ADORA2B: variants seen among roughly 807,000 people sequenced by gnomAD.
ADORA2B encodes the protein adenosine A2b receptor.
A neutral mutation model predicts 20.8 loss-of-function variants in ADORA2B; 18 were observed. The observed-to-expected ratio is 0.87, with a 90% CI of 0.60 to 1.29. The LOEUF (loss-of-function observed/expected upper bound fraction) is 1.29, where lower values mean the gene tolerates loss of function less well. Ranked by LOEUF, ADORA2B falls within the 50% of genes most tolerant of loss-of-function variation. The pLI is 0.00. For missense variants in ADORA2B, 441 were observed against 422.7 expected (o/e 1.04, Z -0.38); for synonymous variants, 179 against 178.3 (o/e 1.00, Z -0.03).
the ADORA2B span, among the ~76,000 whole-genome samples, chr17:15,925,245 A>G: frequency 1.3e-5 from 2 of 152,144 alleles, no homozygotes; most frequent in Non-Finnish European, 2.9e-5. Flanking sequence ...CATGTTAGCC[A>G]GGCTGGTCTT....
At chr17:15,957,575 A>C (rs930222359) in intron 1 of ADORA2B, among the ~76,000 whole-genome samples, 1 of 152,098 alleles carries the variant, frequency 6.6e-6, no homozygotes, top group African/African-American at 2.4e-5. Flanking sequence ...TGCCATCCTG[A>C]AGATGGGGGC....
At chr17:15,867,808 C>T in the ADORA2B span, among the ~76,000 whole-genome samples, 8 of 146,872 alleles carry the variant, frequency 5.4e-5, no homozygotes, top group African/African-American at 1.8e-4. Context: ...GCGCCTCTGC[C>T]CGGCCGCCCC....
chr17:15,892,270 G>A, the ADORA2B span, among the ~76,000 whole-genome samples: 2 of 152,114 alleles, frequency 1.3e-5, no homozygotes, highest in Admixed American at 6.5e-5. Context: ...CCAGGGTCAA[G>A]CGATTCTCCT....
upstream of ADORA2B, among the ~76,000 whole-genome samples, chr17:15,941,579 T>A (rs1485455624): frequency 2.6e-5 from 4 of 152,058 alleles, no homozygotes; most frequent in East Asian, 7.7e-4. Context: ...ACATTACAAA[T>A]TAACCAGGCA....
At chr17:15,955,163 C>T (rs367799797) in intron 1 of ADORA2B, among the ~76,000 whole-genome samples, 1 of 152,036 alleles carries the variant, frequency 6.6e-6, no homozygotes, top group African/African-American at 2.4e-5. Flanking sequence ...TTTTTTCAAC[C>T]AAACACAGAT....
At chr17:15,875,048 C>T in the ADORA2B span, among the ~76,000 whole-genome samples, 2 of 152,024 alleles carry the variant, frequency 1.3e-5, no homozygotes, top group Non-Finnish European at 2.9e-5. Context: ...CATCTTTCTT[C>T]TGTGAATTAC....
chr17:15,974,613 G>A, intron 1 of ADORA2B, 66 bp from the exon 2 acceptor site: 1 of 1,399,138 alleles, frequency 7.1e-7, no homozygotes, highest in East Asian at 2.3e-5. Flanking sequence ...AAGAGGAGGT[G>A]GGGTCTTGGA....
At chr17:15,902,175 G>A in the ADORA2B span, among the ~76,000 whole-genome samples, 1 of 151,398 alleles carries the variant, frequency 6.6e-6, no homozygotes, top group South Asian at 2.1e-4. Flanking sequence ...TGTTTTCAAA[G>A]TTCATCCAGG....
the ADORA2B span, among the ~76,000 whole-genome samples, chr17:15,936,885 G>C: frequency 6.6e-6 from 1 of 152,196 alleles, no homozygotes; most frequent in Non-Finnish European, 1.5e-5. Flanking sequence ...GAGCCCAGGA[G>C]TTCGAGACTG....
At chr17:15,973,147 T>C (rs1970208466) in intron 1 of ADORA2B, among the ~76,000 whole-genome samples, 1 of 152,218 alleles carries the variant, frequency 6.6e-6, no homozygotes, top group Non-Finnish European at 1.5e-5. Context: ...CCCATAGTCC[T>C]AGGCAAATGT....
In ADORA2B at chr17:15,975,033, C is replaced by A; in HGVS notation, c.690C>A (p.Ile230=). The part of the protein sequence containing the change: ...DHSRTTLQRE[I]HAAKSLAMIV... ...CGAGGACCACCCTCCAGCGGGAGAT[C>A]CATGCAGCCAAGTCACTGGCCATGA... The change falls in exon 2 of 2, where the codon ATC becomes ATA. Residue 230 remains isoleucine (I), a synonymous_variant. Coordinates refer to ENST00000304222, the MANE Select transcript of ADORA2B (RefSeq NM_000676.4). The A allele has an allele frequency of 2.5e-6, 4 of 1,614,166 alleles. No homozygotes were observed. Among genetic ancestry groups the A allele is most frequent in the Non-Finnish European group, 3.4e-6 (4 of 1,180,038 alleles).
the ADORA2B span, among the ~76,000 whole-genome samples, chr17:15,863,503 G>T: frequency 9.2e-5 from 14 of 151,786 alleles, no homozygotes; most frequent in African/African-American, 3.4e-4. Context: ...GCGCTACCAT[G>T]CCCAGCTTAT....
chr17:15,910,490 G>A, the ADORA2B span, among the ~76,000 whole-genome samples: 1 of 152,036 alleles, frequency 6.6e-6, no homozygotes, highest in African/African-American at 2.4e-5. Flanking sequence ...GTAGAAACGG[G>A]GTTTCACCAT....
At chr17:15,887,951 C>CAAAAAAA in the ADORA2B span, among the ~76,000 whole-genome samples, 8 of 22,228 alleles carry the variant, frequency 3.6e-4, 1 homozygote, top group East Asian at 1.3e-3. Flanking sequence ...AAGACTCCAT[C>CAAAAAAA]AAAAAAAAAA....
chr17:15,894,076 C>T, the ADORA2B span, among the ~76,000 whole-genome samples: 2 of 152,182 alleles, frequency 1.3e-5, no homozygotes, highest in Non-Finnish European at 2.9e-5. Context: ...CAATATGTCC[C>T]ACAGAACATA....
chr17:15,959,563 C>T (rs903568209), intron 1 of ADORA2B, among the ~76,000 whole-genome samples: 13 of 144,410 alleles, frequency 9.0e-5, no homozygotes, highest in Middle Eastern at 4.0e-3. Flanking sequence ...TGCAATGGCG[C>T]GATCTGAGCT....
chr17:15,856,344 C>T, the ADORA2B span, among the ~76,000 whole-genome samples: 1 of 152,080 alleles, frequency 6.6e-6, no homozygotes. Context: ...CCTAAAGCCT[C>T]CTCAGCCATG....
the ADORA2B span, among the ~76,000 whole-genome samples, chr17:15,891,157 T>G: frequency 2.0e-5 from 3 of 152,154 alleles, no homozygotes; most frequent in African/African-American, 7.2e-5. Flanking sequence ...TCCCAGCTAC[T>G]CAGGAGGCTG....
In ADORA2B at chr17:15,975,164, T is replaced by C. The variant is rs1970238006; in HGVS notation, c.821T>C (p.Met274Thr). ...AATAAGCCCAAGTGGGCAATGAATA[T>C]GGCCATTCTTCTGTCACATGCCAAT... Reference protein sequence around the residue: ...GKNKPKWAMNMAILLSHANSV... With the variant: ...GKNKPKWAMNTAILLSHANSV... The change falls in exon 2 of 2, where the codon ATG (methionine) becomes ACG (threonine). Residue 274 changes from methionine to threonine, a missense_variant. Physicochemically the swap from Met to Thr is moderately conservative, Grantham distance 81. Transcript: ENST00000304222. 1 of 1,614,194 alleles carries C rather than the reference T, an allele frequency of 6.2e-7. No homozygotes were observed.
Sources: allele counts gnomAD v4.1 joint callset (sites outside exome capture counted in the v4.1 genomes callset), GRCh38; gene constraint gnomAD v4.1.1; transcripts MANE v1.5; gene names NCBI Gene and HGNC (gene_info 2026-07-23, HGNC 2026-07-21).